Variants in ITGB4 observed in about 807,000 individuals in gnomAD.
ITGB4 encodes integrin subunit beta 4.
A neutral mutation model predicts 207.6 loss-of-function variants in ITGB4; 159 were observed. The ratio of observed to expected loss-of-function variants is 0.77; its 90% CI spans 0.67 to 0.87. The LOEUF (loss-of-function observed/expected upper bound fraction) is 0.87, where lower values mean the gene tolerates loss of function less well. ITGB4 is among the 40% of genes least tolerant of loss of function. The pLI is 0.00. For missense variants in ITGB4, 2,278 were observed against 2,546.8 expected (o/e 0.89, Z 2.27); for synonymous variants, 1,020 against 1,062.7 (o/e 0.96, Z 0.78).
chr17:75,756,837 CTGTGAGA>C lies in ITGB4; in HGVS notation c.5034_5040del (p.Cys1678TrpfsTer22). The C allele has an allele frequency of 6.2e-7, 1 of 1,612,372 alleles. No individual in the cohort carries two copies. Among genetic ancestry groups the C allele is most frequent in the South Asian group, 1.1e-5 (1 of 91,058 alleles). The stretch of plus-strand genomic sequence containing the variant: ...GGGATATCGTCGGCTACCTGGTGAC[CTGTGAGA>C]TGGCCCAAGGAGGAGGTGCTGCCCA... On this transcript the variant is annotated frameshift_variant, in exon 37 of 40. Transcript: ENST00000200181. LOFTEE classifies it high-confidence loss of function.
chr17:75,728,908 C>T (rs917027665), intron 6 of ITGB4, among the ~76,000 whole-genome samples: 4 of 150,014 alleles, frequency 2.7e-5, no homozygotes, highest in Admixed American at 6.7e-5. Context: ...GGCGTGAACC[C>T]GGGAGGCGGA....
intron 2 of ITGB4, among the ~76,000 whole-genome samples, chr17:75,725,705 C>T (rs1363411008): frequency 6.6e-6 from 1 of 152,204 alleles, no homozygotes; most frequent in Non-Finnish European, 1.5e-5. Flanking sequence ...AGTAGGTCCT[C>T]ACTGTGATTT....
rs753506018 is a variant in ITGB4, at chr17:75,750,250, C to A, written c.3456C>A (p.Gly1152=). ...KIHFNWLPPS[G]KPMGYRVKYW... ...ATTTCAACTGGCTGCCCCCTTCTGG[C>A]AAGCCAATGGGGTACAGGGTAAGGC... The change falls in exon 28 of 40, where the codon GGC becomes GGA. Residue 1152 remains glycine (G), a synonymous_variant. Transcript: ENST00000200181. This position sits in a 1 kb window ranked among gnomAD's most constrained non-coding sequence, Gnocchi z 5.5. 11 of 1,612,866 alleles carry A rather than the reference C, an allele frequency of 6.8e-6. No homozygotes were observed. The Admixed American group carries it at 8.3e-5, about 12-fold the overall frequency.
At chr17:75,724,826 C>G (rs753859318) in intron 2 of ITGB4, 44 bp downstream of exon 2, 13 of 1,520,986 alleles carry the variant, frequency 8.5e-6, no homozygotes, top group Admixed American at 8.4e-5. Context: ...CAGGATCATC[C>G]CTTGGGCAGG....
chr17:75,743,696 G>A lies in ITGB4; in HGVS notation c.2963-17G>A. ...CTGGGCCCAGCACACTCTGACAAATGCCCGGGCTCCTTGCAGCCAGAGACG... is the reference window on the plus strand; with the variant it reads ...CTGGGCCCAGCACACTCTGACAAATACCCGGGCTCCTTGCAGCCAGAGACG... On this transcript the variant is annotated splice_polypyrimidine_tract_variant and intron_variant, in intron 25 of 39. Transcript: ENST00000200181. The A allele has an allele frequency of 6.2e-7, 1 of 1,613,458 alleles. No homozygotes were observed. Among genetic ancestry groups the A allele is most frequent in the South Asian group, 1.1e-5 (1 of 91,090 alleles).
In ITGB4 at chr17:75,754,619, C is replaced by T. The variant is rs748715435; in HGVS notation, c.4362C>T (p.Ser1454=). The T allele has an allele frequency of 2.5e-6, 4 of 1,613,978 alleles. No individual in the cohort carries two copies. The highest frequency in any genetic ancestry group is 3.4e-6 in the Non-Finnish European group (4 of 1,179,996). Residue 1454 remains serine, a synonymous_variant, in exon 34 of 40, where the codon AGC becomes AGT. Coordinates refer to ENST00000200181, the MANE Select transcript of ITGB4 (RefSeq NM_000213.5). ...NGRMDFAFPG[S]TNSLHRMTTT... Reference sequence around the variant, plus strand: ...GGATGGACTTTGCCTTCCCGGGCAGCACCAACTCCCTGCACAGGATGACCA... The same window carrying T: ...GGATGGACTTTGCCTTCCCGGGCAGTACCAACTCCCTGCACAGGATGACCA...
rs1385099868 is a variant in ITGB4, at chr17:75,733,677, G to A, written c.1642G>A (p.Gly548Arg). Reference protein sequence around the residue: ...YDNFQCPRTSGFLCNDRGRCS... With the variant: ...YDNFQCPRTSRFLCNDRGRCS... ...CAACTTCCAGTGTCCCCGCACTTCC[G>A]GGTTCCTCTGCAATGGTGAGCACAA... Residue 548 changes from glycine to arginine, a missense_variant, in exon 13 of 40, where the codon GGG becomes AGG. Gly to Arg is a moderately radical substitution (Grantham distance 125, BLOSUM62 -2). Transcript: ENST00000200181. 8 of 1,614,040 alleles carry A rather than the reference G, an allele frequency of 5.0e-6. No homozygotes were observed. Among genetic ancestry groups the A allele is most frequent in the Non-Finnish European group, 6.8e-6 (8 of 1,180,014 alleles).
Position 75,750,055 on chromosome 17 carries a change from C to T in ITGB4, c.3317-56C>T. ...GGGTGTTGAAGTGGGTCTCTGGCGC[C>T]CCCTGGTGGTGAAGGGGGATCTGAG... On this transcript the variant is annotated intron_variant, in intron 27 of 39. Transcript: ENST00000200181. The surrounding 1 kb of genome is among the most constrained non-coding windows in gnomAD (Gnocchi z 5.5). 6.2e-7 allele frequency: 1 copy of T among 1,610,420 alleles called. No homozygotes were observed. The highest frequency in any genetic ancestry group is 8.5e-7 in the Non-Finnish European group (1 of 1,177,676).
chr17:75,757,722 C>A lies in ITGB4; in HGVS notation c.*167C>A. 1 of 882,580 alleles carries A rather than the reference C, an allele frequency of 1.1e-6. No individual in the cohort carries two copies. The highest frequency in any genetic ancestry group is 1.8e-6 in the Non-Finnish European group (1 of 556,562). The allele number at this position is 882,580 out of a possible 1,614,324, so 54.7% of individuals were successfully genotyped here. A position where few individuals can be genotyped will look rare whatever the true frequency, so the allele number is the denominator to read the frequency against. On this transcript the variant is annotated 3_prime_UTR_variant, in exon 40 of 40. Coordinates refer to ENST00000200181, the MANE Select transcript of ITGB4 (RefSeq NM_000213.5). ...GAGGCATGAAGGGGGCAAGGTCCGTCCTCTGTGGGCCCAAACCTATTTGTA... is the reference window on the plus strand; with the variant it reads ...GAGGCATGAAGGGGGCAAGGTCCGTACTCTGTGGGCCCAAACCTATTTGTA...
intron 16 of ITGB4, among the ~76,000 whole-genome samples, chr17:75,736,912 C>T (rs2060991454): frequency 2.0e-5 from 3 of 151,706 alleles, no homozygotes; most frequent in Non-Finnish European, 2.9e-5. Context: ...AGAACCCAGG[C>T]GGTGGGACAC....
intron 31 of ITGB4, 27 bp downstream of exon 31, chr17:75,752,383 G>A: frequency 6.2e-6 from 10 of 1,612,624 alleles, no homozygotes; most frequent in Non-Finnish European, 8.5e-6. Context: ...GAGGTGAGGG[G>A]CAGACCGGGC....
At position 75,745,827 on chromosome 17, in the gene ITGB4, C is replaced by T. The variant is rs558829497; in HGVS notation, c.3111+1966C>T. 2.4e-4 allele frequency among the ~76,000 whole-genome samples: 36 copies of T among 152,028 alleles called. No individual in the cohort carries two copies. The East Asian group carries it at 6.6e-3, about 28-fold the overall frequency. Reference sequence around the variant, plus strand: ...CCAGGAGGTGGAGGCTGCAGTGAACCGAGATCATGCCACTGCACTACAGCT... The same window carrying T: ...CCAGGAGGTGGAGGCTGCAGTGAACTGAGATCATGCCACTGCACTACAGCT... On this transcript the variant is annotated intron_variant, in intron 26 of 39. Coordinates refer to ENST00000200181, the MANE Select transcript of ITGB4 (RefSeq NM_000213.5).
At chr17:75,737,964 A>C (rs2148505991) in intron 18 of ITGB4, among the ~76,000 whole-genome samples, 2 of 145,420 alleles carry the variant, frequency 1.4e-5, no homozygotes, top group South Asian at 2.2e-4. Flanking sequence ...CAGCCTCTCC[A>C]CCCACCATCC....
At position 75,742,395 on chromosome 17, in the gene ITGB4, G is replaced by A. The variant is rs199539918; in HGVS notation, c.2688G>A (p.Pro896=). 37 of 1,613,376 alleles carry A rather than the reference G, an allele frequency of 2.3e-5. No individual in the cohort carries two copies. Among genetic ancestry groups the A allele is most frequent in the South Asian group, 6.6e-5 (6 of 91,068 alleles). The change falls in exon 24 of 40, where the codon CCG becomes CCA. Residue 896 remains proline, a synonymous_variant. Transcript: ENST00000200181. The surrounding 1 kb of genome is among the most constrained non-coding windows in gnomAD (Gnocchi z 5.9). ...TVLMAPRSAK[P]ALLKLTEKQV... is the part of the protein sequence containing the mutation. ...TGATGGCGCCCCGCTCGGCCAAGCC[G>A]GCCCTGCTGAAGCTTACAGAGAAGC... is the stretch of plus-strand genomic sequence containing the variant.
At chr17:75,743,619 G>T in intron 25 of ITGB4, 94 bp from the exon 26 acceptor site, 1 of 1,567,186 alleles carries the variant, frequency 6.4e-7, no homozygotes, top group South Asian at 1.1e-5. Flanking sequence ...CGGACTCCTG[G>T]ATTCTGGGCT....
In ITGB4 at chr17:75,740,114, C is replaced by T. The variant is rs116499149; in HGVS notation, c.2446+43C>T. On this transcript the variant is annotated intron_variant, in intron 20 of 39. Coordinates refer to ENST00000200181, the MANE Select transcript of ITGB4 (RefSeq NM_000213.5). This position sits in a 1 kb window ranked among gnomAD's most constrained non-coding sequence, Gnocchi z 5.9. ...CGCCACAGCTCTGGGCAGTGCCCTT[C>T]GGGCCCTCTGTTCCAGATCTGGGAT... 702 of 1,568,362 alleles carry T rather than the reference C, an allele frequency of 4.5e-4. 4 individuals carry two copies. The African/African-American group carries it at 8.2e-3, about 18-fold the overall frequency.
chr17:75,748,800 C>T (rs1206774570), intron 26 of ITGB4, 41 bp from the exon 27 acceptor site: 7 of 1,495,976 alleles, frequency 4.7e-6, no homozygotes, highest in Non-Finnish European at 5.5e-6. Flanking sequence ...CTTGCCTCAG[C>T]CCCCAGCCAT....
intron 34 of ITGB4, 143 bp downstream of exon 34, chr17:75,754,958 ACACGCATG>A (rs2143489641): frequency 6.9e-7 from 1 of 1,454,780 alleles, no homozygotes; most frequent in East Asian, 2.4e-5. Flanking sequence ...ACACACGTGC[ACACGCATG>A]CACACATGTA....
In ITGB4 at chr17:75,731,118, G is replaced by T; in HGVS notation, c.1093-128G>T. Reference sequence around the variant, plus strand: ...CTAGCTATCCCTGAGGCCCCGAGGGGCCACCTGGGCCTGGCCCTGGCTCCT... The same window carrying T: ...CTAGCTATCCCTGAGGCCCCGAGGGTCCACCTGGGCCTGGCCCTGGCTCCT... On this transcript the variant is annotated intron_variant, in intron 9 of 39. Transcript: ENST00000200181. The surrounding 1 kb of genome is among the most constrained non-coding windows in gnomAD (Gnocchi z 6.8). 2.0e-6 allele frequency: 3 copies of T among 1,521,914 alleles called. No individual in the cohort carries two copies. The highest frequency in any genetic ancestry group is 1.4e-5 in the African/African-American group (1 of 72,728). 94.3% of individuals were successfully genotyped at this position (1,521,914 alleles called of 1,614,324 possible).
Sources: allele counts gnomAD v4.1 joint callset (sites outside exome capture counted in the v4.1 genomes callset), GRCh38; gene constraint gnomAD v4.1.1; non-coding constraint Gnocchi (gnomAD v3.1); transcripts MANE v1.5; gene names NCBI Gene and HGNC (gene_info 2026-07-23, HGNC 2026-07-21).